The following HEXB variants were observed in gnomAD, a reference collection of about 807,000 sequenced individuals.
HEXB encodes the protein beta-hexosaminidase subunit beta.
HEXB carries 51 observed loss-of-function variants against 71.2 expected under a neutral mutation model. The ratio of observed to expected loss-of-function variants is 0.72; its 90% CI spans 0.57 to 0.90. The LOEUF (loss-of-function observed/expected upper bound fraction) is 0.90. Among genes scored for constraint, HEXB ranks in the 40% least tolerant of loss-of-function variants. The pLI is 0.00. For synonymous variants in HEXB, 266 were observed against 249.3 expected, an observed-to-expected ratio of 1.07 and a Z score of -0.63; for missense variants, 617 against 677.0, an observed-to-expected ratio of 0.91 and a Z score of 0.98.
intron 1 of HEXB, among the ~76,000 whole-genome samples, chr5:74,650,336 C>T (rs1748078997): frequency 6.6e-6 from 1 of 152,190 alleles, no homozygotes; most frequent in South Asian, 2.1e-4. Context: ...AGATGCTAAA[C>T]ACACAAAAAC....
At chr5:74,655,201 G>A (rs1748194864) in intron 1 of HEXB, among the ~76,000 whole-genome samples, 1 of 152,022 alleles carries the variant, frequency 6.6e-6, no homozygotes, top group Non-Finnish European at 1.5e-5. Flanking sequence ...AAAATGACAT[G>A]GTTGTTCATA....
chr5:74,693,647 C>T lies in HEXB; in HGVS notation c.454C>T (p.Leu152Phe). Residue 152 changes from leucine to phenylalanine, a missense_variant, in exon 3 of 14, where the codon CTT becomes TTT. Leu to Phe is a conservative substitution (Grantham distance 22). Transcript: ENST00000261416. ...TTAAATCCTCAATACAGATACTTTA[C>T]TTGTGAAAGAACCAGTGGCTGTCCT... is the stretch of plus-strand genomic sequence containing the variant. Reference protein sequence around the residue: ...NISSDESYTLLVKEPVAVLKA... With the variant: ...NISSDESYTLFVKEPVAVLKA... The T allele has an allele frequency of 6.2e-7, 1 of 1,610,354 alleles. No homozygotes were observed. The highest frequency in any genetic ancestry group is 8.5e-7 in the Non-Finnish European group (1 of 1,176,492).
chr5:74,710,815 C>T (rs1749522415), intron 6 of HEXB, among the ~76,000 whole-genome samples: 1 of 152,236 alleles, frequency 6.6e-6, no homozygotes, highest in Non-Finnish European at 1.5e-5. Context: ...AAATTCCATG[C>T]TCATGGGTAG....
chr5:74,686,727 G>T (rs1748882203), intron 1 of HEXB, among the ~76,000 whole-genome samples: 1 of 152,194 alleles, frequency 6.6e-6, no homozygotes, highest in Admixed American at 6.5e-5. Flanking sequence ...TATCCAATCT[G>T]CTAAGGCCAG....
intron 1 of HEXB, among the ~76,000 whole-genome samples, chr5:74,661,956 T>A (rs1366726362): frequency 6.6e-6 from 1 of 152,188 alleles, no homozygotes; most frequent in African/African-American, 2.4e-5. Context: ...TTTGTCCTCA[T>A]GACAACCTTA....
intron 5 of HEXB, among the ~76,000 whole-genome samples, chr5:74,702,281 T>A (rs902903591): frequency 6.6e-6 from 1 of 151,168 alleles, no homozygotes; most frequent in African/African-American, 2.4e-5. Context: ...GGTTTCACCG[T>A]TTTAGCCGGG....
At chr5:74,662,029 T>G (rs1446146925) in intron 1 of HEXB, among the ~76,000 whole-genome samples, 7 of 152,242 alleles carry the variant, frequency 4.6e-5, no homozygotes, top group African/African-American at 1.4e-4. Flanking sequence ...GAATGTTTTT[T>G]GTTCAAAGAA....
chr5:74,654,661 A>C (rs1330143563), intron 1 of HEXB, among the ~76,000 whole-genome samples: 1 of 152,140 alleles, frequency 6.6e-6, no homozygotes, highest in Non-Finnish European at 1.5e-5. Context: ...GGGGGAAACG[A>C]GGAATAAGGA....
intron 1 of HEXB, among the ~76,000 whole-genome samples, chr5:74,649,458 C>T (rs1429428292): frequency 2.6e-5 from 4 of 152,240 alleles, no homozygotes; most frequent in African/African-American, 4.8e-5. Context: ...TTAATCCCCA[C>T]AGCAACCCTG....
At chr5:74,709,172 C>T (rs200427113) in intron 6 of HEXB, among the ~76,000 whole-genome samples, 1 of 152,202 alleles carries the variant, frequency 6.6e-6, no homozygotes, top group Admixed American at 6.5e-5. Context: ...GGAAACTGAA[C>T]AACCTGCTCC....
At chr5:74,719,742 G>T (rs1276831636) in intron 11 of HEXB, among the ~76,000 whole-genome samples, 2 of 152,088 alleles carry the variant, frequency 1.3e-5, no homozygotes, top group Non-Finnish European at 2.9e-5. Context: ...AGGAGTTCAA[G>T]ACCAGCCTGC....
At chr5:74,687,689 T>C (rs1748904708) in intron 1 of HEXB, among the ~76,000 whole-genome samples, 1 of 152,224 alleles carries the variant, frequency 6.6e-6, no homozygotes, top group Non-Finnish European at 1.5e-5. Context: ...TTAAAAAAAT[T>C]TTAATTAAGG....
chr5:74,640,601 G>A (rs1195174195), intron 1 of HEXB: 1 of 152,406 alleles, frequency 6.6e-6, no homozygotes. Flanking sequence ...CGCGGAAGGA[G>A]GCGGGCTGTG....
chr5:74,721,209 A>T lies in HEXB; in HGVS notation c.*34A>T, dbSNP rs760669414. On this transcript the variant is annotated 3_prime_UTR_variant, in exon 14 of 14. Coordinates refer to ENST00000261416, the MANE Select transcript of HEXB (RefSeq NM_000521.4). ...GGGGAAAAAGGCCACAGCAATCTGT[A>T]CTACAATCAACTTTATTTTGAAATC... 1 of 1,435,132 alleles carries T rather than the reference A, an allele frequency of 7.0e-7. No individual in the cohort carries two copies. The highest frequency in any genetic ancestry group is 1.1e-5 in the South Asian group (1 of 87,410). The allele number at this position is 1,435,132 out of a possible 1,614,324, so 88.9% of individuals were successfully genotyped here. A position where few individuals can be genotyped will look rare whatever the true frequency, so the allele number is the denominator to read the frequency against.
At chr5:74,682,772 T>A (rs1748762861), upstream of HEXB, among the ~76,000 whole-genome samples, 1 of 152,226 alleles carries the variant, frequency 6.6e-6, no homozygotes. Flanking sequence ...CACTGAAGTT[T>A]TCTTTTATGG....
intron 2 of HEXB, among the ~76,000 whole-genome samples, chr5:74,690,513 G>A (rs990501134): frequency 1.7e-4 from 26 of 151,830 alleles, no homozygotes; most frequent in Admixed American, 9.2e-4. Flanking sequence ...TTAGCCAAGC[G>A]TGTTGGTGCG....
intron 2 of HEXB, chr5:74,689,719 CA>C: frequency 1.9e-6 from 1 of 523,772 alleles, no homozygotes; most frequent in Non-Finnish European, 3.4e-6. Flanking sequence ...TAGAATTAAT[CA>C]CTGTCATTTT....
At chr5:74,675,990 T>C (rs946150453) in intron 1 of HEXB, among the ~76,000 whole-genome samples, 2 of 152,244 alleles carry the variant, frequency 1.3e-5, no homozygotes, top group African/African-American at 2.4e-5. Context: ...GTATAAGACT[T>C]TGGTGACAAG....
chr5:74,713,426 A>C, intron 6 of HEXB, 80 bp from the exon 7 acceptor site: 2 of 1,382,406 alleles, frequency 1.4e-6, no homozygotes, highest in Non-Finnish European at 1.0e-6. Context: ...TCAAATATCA[A>C]ATGCAAGCAC....
Sources: gnomAD v4.1 joint callset for allele counts (sites outside exome capture counted in the v4.1 genomes callset) on GRCh38, gnomAD v4.1.1 for gene constraint, MANE v1.5 for transcripts, NCBI Gene and HGNC (gene_info 2026-07-23, HGNC 2026-07-21) for gene names.